Variants in COX7B2 observed in about 807,000 individuals in gnomAD.
COX7B2 encodes the protein cytochrome c oxidase subunit 7B2.
For synonymous variants in COX7B2, 37 were observed against 32.1 expected (o/e 1.15, Z -0.51); for missense variants, 109 against 95.9 (o/e 1.14, Z -0.57).
intron 2 of COX7B2, among the ~76,000 whole-genome samples, chr4:46,799,492 T>C (rs1456724041): frequency 6.6e-6 from 1 of 152,314 alleles, no homozygotes; most frequent in Middle Eastern, 3.4e-3. Flanking sequence ...GGCTGTGAGT[T>C]TGTCACAGAT....
intron 2 of COX7B2, among the ~76,000 whole-genome samples, chr4:46,758,577 T>G (rs1715941421): frequency 6.6e-6 from 1 of 152,134 alleles, no homozygotes; most frequent in South Asian, 2.1e-4. Flanking sequence ...AAATAACTTA[T>G]AAGAAAGCTG....
intron 2 of COX7B2, among the ~76,000 whole-genome samples, chr4:46,824,601 A>G (rs1449323493): frequency 1.3e-5 from 2 of 151,826 alleles, no homozygotes; most frequent in Non-Finnish European, 2.9e-5. Flanking sequence ...AATGAAGTTC[A>G]ACTTTCTGAT....
intron 2 of COX7B2, among the ~76,000 whole-genome samples, chr4:46,749,672 G>T (rs1046657432): frequency 2.6e-5 from 4 of 152,158 alleles, no homozygotes; most frequent in African/African-American, 4.8e-5. Context: ...AATTATAGAA[G>T]TATAAACCAG....
At chr4:46,840,866 A>G (rs1317913196) in intron 2 of COX7B2, among the ~76,000 whole-genome samples, 1 of 151,994 alleles carries the variant, frequency 6.6e-6, no homozygotes, top group East Asian at 1.9e-4. Context: ...TCTGGGAAGG[A>G]TTACAGTAAA....
At chr4:46,792,200 G>A (rs548738519) in intron 2 of COX7B2, among the ~76,000 whole-genome samples, 1 of 152,300 alleles carries the variant, frequency 6.6e-6, no homozygotes, top group Non-Finnish European at 1.5e-5. Context: ...CTGACTAAGA[G>A]ATGTTATTGA....
intron 2 of COX7B2, among the ~76,000 whole-genome samples, chr4:46,776,163 G>C (rs559869322): frequency 6.6e-6 from 1 of 152,128 alleles, no homozygotes; most frequent in Admixed American, 6.6e-5. Context: ...GGATTATCTA[G>C]TAGACAGACA....
intron 1 of COX7B2, among the ~76,000 whole-genome samples, chr4:46,883,666 A>T (rs914145518): frequency 6.6e-6 from 1 of 151,986 alleles, no homozygotes; most frequent in African/African-American, 2.4e-5. Context: ...TGAACCTGGG[A>T]TGTCAATGTT....
chr4:46,795,451 T>C (rs1247077101), intron 2 of COX7B2, among the ~76,000 whole-genome samples: 1 of 120,926 alleles, frequency 8.3e-6, no homozygotes, highest in Non-Finnish European at 1.6e-5. Context: ...ATTTATTAAA[T>C]AGGGAATCCT....
At chr4:46,759,292 A>T (rs1357199215) in intron 2 of COX7B2, among the ~76,000 whole-genome samples, 2 of 152,126 alleles carry the variant, frequency 1.3e-5, no homozygotes, top group Admixed American at 6.6e-5. Context: ...ATTGTTAGAG[A>T]TCAACTATGA....
chr4:46,800,549 A>C (rs1286894759), intron 2 of COX7B2, among the ~76,000 whole-genome samples: 1 of 152,204 alleles, frequency 6.6e-6, no homozygotes, highest in African/African-American at 2.4e-5. Context: ...CTGGCTAGCC[A>C]TATGCAGAAG....
rs151119616 is a variant in COX7B2 at position 46,772,696 on chromosome 4, C to T, written c.-49-37455G>A. On this transcript the variant is annotated intron_variant, in intron 2 of 2. Transcript: ENST00000355591. The stretch of plus-strand genomic sequence containing the variant: ...TAAGTAGAGTGGTTGCAATCTAGTA[C>T]CTGATTCTCATCTTCACAGAAATTT... Among the ~76,000 whole-genome samples, 1,167 of 151,868 alleles carry T rather than the reference C, an allele frequency of 7.7e-3. 35 individuals are homozygous for T. Among genetic ancestry groups the T allele is most frequent in the Admixed American group, 0.047 (722 of 15,240 alleles).
chr4:46,755,115 A>G (rs1019853367), intron 2 of COX7B2, among the ~76,000 whole-genome samples: 1 of 152,018 alleles, frequency 6.6e-6, no homozygotes, highest in Non-Finnish European at 1.5e-5. Flanking sequence ...TACCCCAGGG[A>G]GTAAAGGATG....
At chr4:46,756,626 A>G (rs1221527442) in intron 2 of COX7B2, among the ~76,000 whole-genome samples, 1 of 152,066 alleles carries the variant, frequency 6.6e-6, no homozygotes, top group Non-Finnish European at 1.5e-5. Context: ...AAATAGCCCT[A>G]TTACAAAGTT....
At chr4:46,818,048 T>G (rs79998496) in intron 2 of COX7B2, among the ~76,000 whole-genome samples, 1 of 152,208 alleles carries the variant, frequency 6.6e-6, no homozygotes, top group African/African-American at 2.4e-5. Flanking sequence ...TGAGTCTTAT[T>G]ATGCTCATTA....
intron 1 of COX7B2, among the ~76,000 whole-genome samples, chr4:46,877,244 A>C (rs2109837559): frequency 6.6e-6 from 1 of 152,338 alleles, no homozygotes; most frequent in East Asian, 1.9e-4. Flanking sequence ...ATGAGGAAAC[A>C]TAGTGCTAGC....
intron 1 of COX7B2, among the ~76,000 whole-genome samples, chr4:46,902,506 C>G (rs1251423614): frequency 6.6e-6 from 1 of 152,208 alleles, no homozygotes; most frequent in Non-Finnish European, 1.5e-5. Context: ...AATCAGCAAT[C>G]TATCAAGACA....
chr4:46,739,370 C>A (rs539266251), intron 2 of COX7B2, among the ~76,000 whole-genome samples: 46 of 151,248 alleles, frequency 3.0e-4, no homozygotes, highest in African/African-American at 1.1e-3. Context: ...AAAACAAAAC[C>A]AAGCTGGTTA....
intron 2 of COX7B2, among the ~76,000 whole-genome samples, chr4:46,809,253 A>G (rs1241240269): frequency 2.0e-5 from 3 of 150,544 alleles, no homozygotes; most frequent in Non-Finnish European, 3.0e-5. Flanking sequence ...AGTTTTATTT[A>G]CTCTTCATAT....
At chr4:46,884,473 T>G (rs1718948044) in intron 1 of COX7B2, among the ~76,000 whole-genome samples, 2 of 152,260 alleles carry the variant, frequency 1.3e-5, no homozygotes, top group Non-Finnish European at 2.9e-5. Flanking sequence ...AATATTCTAC[T>G]CACTGAGTTT....
Sources: gnomAD v4.1 joint callset for allele counts (sites outside exome capture counted in the v4.1 genomes callset) on GRCh38, gnomAD v4.1.1 for gene constraint, MANE v1.5 for transcripts, NCBI Gene and HGNC (gene_info 2026-07-23, HGNC 2026-07-21) for gene names.